XIRP1: variants seen among roughly 807,000 people sequenced by gnomAD.
The protein encoded by XIRP1 is xin actin binding repeat containing 1.
For synonymous variants in XIRP1, 984 were observed against 947.0 expected, an observed-to-expected ratio of 1.04 and a Z score of -0.72; for missense variants, 2,378 against 2,345.4, an observed-to-expected ratio of 1.01 and a Z score of -0.29.
In XIRP1 at chr3:39,183,655, C is replaced by T. The variant is rs572294850; in HGVS notation, c.*259G>A. The T allele has an allele frequency of 5.8e-5, 32 of 549,176 alleles. No individual in the cohort carries two copies. Among genetic ancestry groups the T allele is most frequent in the Non-Finnish European group, 9.1e-5 (29 of 317,220 alleles). The allele number at this position is 549,176 out of a possible 1,614,324, so 34.0% of individuals were successfully genotyped here. ...ATGTGTGTGTCTGTATATATTACAT[C>T]CTCCACAAGCAGCTGGGAGCCCCCA... On this transcript the variant is annotated 3_prime_UTR_variant, in exon 2 of 2. Coordinates refer to ENST00000340369, the MANE Select transcript of XIRP1 (RefSeq NM_194293.4).
Position 39,183,667 on chromosome 3 carries a change from G to T in XIRP1, c.*247C>A. 1 of 578,910 alleles carries T rather than the reference G, an allele frequency of 1.7e-6. No homozygotes were observed. Among genetic ancestry groups the T allele is most frequent in the Non-Finnish European group, 2.9e-6 (1 of 340,348 alleles). 35.9% of individuals were successfully genotyped at this position (578,910 alleles called of 1,614,324 possible). On this transcript the variant is annotated 3_prime_UTR_variant, in exon 2 of 2. Transcript: ENST00000340369. ...GTATATATTACATCCTCCACAAGCA[G>T]CTGGGAGCCCCCATCCTACCCCCAC...
chr3:39,191,748 G>A (rs1038929827), intron 1 of XIRP1, among the ~76,000 whole-genome samples: 1 of 152,152 alleles, frequency 6.6e-6, no homozygotes, highest in African/African-American at 2.4e-5. Flanking sequence ...TGCTGTCCTC[G>A]GGTCACCTCC....
In XIRP1 at chr3:39,189,063, C is replaced by A. The variant is rs768016120; in HGVS notation, c.383G>T (p.Arg128Leu). 1 of 1,614,152 alleles carries A rather than the reference C, an allele frequency of 6.2e-7. No individual in the cohort carries two copies. Among genetic ancestry groups the A allele is most frequent in the Non-Finnish European group, 8.5e-7 (1 of 1,180,040 alleles). ...VLCGDVQATSRKFEEGSFANS... is the reference protein window; with the variant it reads ...VLCGDVQATSLKFEEGSFANS... ...GGCAAAGGAGCCTTCCTCAAACTTG[C>A]GGGAGGTGGCCTGGACGTCACCACA... is the stretch of plus-strand genomic sequence containing the variant. Residue 128 changes from arginine to leucine, a missense_variant, in exon 2 of 2, where the codon CGC becomes CTC. Physicochemically the swap from Arg to Leu is moderately radical, Grantham distance 102. Transcript: ENST00000340369.
In XIRP1 at chr3:39,187,339, G is replaced by C. The variant is rs2039999032; in HGVS notation, c.2107C>G (p.Leu703Val). Residue 703 changes from leucine (L) to valine (V), a missense_variant, in exon 2 of 2, where the codon CTG becomes GTG. Leu to Val is a conservative substitution (Grantham distance 32). Coordinates refer to ENST00000340369, the MANE Select transcript of XIRP1 (RefSeq NM_194293.4). ...TGTTCTTCCTTCTTGCCTGCCTCCAGGGCCTGAAAAACCTCTTTCTGACGA... is the reference window on the plus strand; with the variant it reads ...TGTTCTTCCTTCTTGCCTGCCTCCACGGCCTGAAAAACCTCTTTCTGACGA... ...VSRQKEVFQA[L>V]EAGKKEEQEP... The C allele has an allele frequency of 1.2e-6, 2 of 1,605,006 alleles. No homozygotes were observed. The highest frequency in any genetic ancestry group is 1.7e-6 in the Non-Finnish European group (2 of 1,174,524).
rs79802884 is a variant in XIRP1, at chr3:39,183,652, C to T, written c.*262G>A. 5.6e-4 allele frequency: 305 copies of T among 544,506 alleles called. 1 individual carries two copies. Among genetic ancestry groups the T allele is most frequent in the African/African-American group, 5.2e-3 (274 of 52,646 alleles). 33.7% of individuals were successfully genotyped at this position (544,506 alleles called of 1,614,324 possible). A position where few individuals can be genotyped will look rare whatever the true frequency, so the allele number is the denominator to read the frequency against. The stretch of plus-strand genomic sequence containing the variant: ...AACATGTGTGTGTCTGTATATATTA[C>T]ATCCTCCACAAGCAGCTGGGAGCCC... On this transcript the variant is annotated 3_prime_UTR_variant, in exon 2 of 2. Transcript: ENST00000340369.
At position 39,185,191 on chromosome 3, in the gene XIRP1, T is replaced by C; in HGVS notation, c.4255A>G (p.Asn1419Asp). The C allele has an allele frequency of 6.2e-7, 1 of 1,613,190 alleles. No individual in the cohort carries two copies. The highest frequency in any genetic ancestry group is 8.5e-7 in the Non-Finnish European group (1 of 1,179,432). ...TTGGGGGGCTCAGAGCTCTGGGCAT[T>C]GCTGCCTGTAGCCTGATTCTTGGTG... ...RPTKNQATGSNAQSSEPPKLN... is the reference protein window; with the variant it reads ...RPTKNQATGSDAQSSEPPKLN... Residue 1419 changes from asparagine (N) to aspartate (D), a missense_variant, in exon 2 of 2, where the codon AAT becomes GAT. Asn to Asp is a conservative substitution (Grantham distance 23). Coordinates refer to ENST00000340369, the MANE Select transcript of XIRP1 (RefSeq NM_194293.4).
chr3:39,190,349 A>G (rs1187481182), intron 1 of XIRP1, among the ~76,000 whole-genome samples: 3 of 152,142 alleles, frequency 2.0e-5, no homozygotes, highest in African/African-American at 7.2e-5. Context: ...CCTAGACTCC[A>G]TTTAGGGCAT....
chr3:39,189,487 G>A lies in XIRP1; in HGVS notation c.-42C>T. ...GGCAGAGATGAGGATGGGATTGGGA[G>A]CCTTAGATCTAGATGTTCAGCAGGG... On this transcript the variant is annotated 5_prime_UTR_variant, in exon 2 of 2. Coordinates refer to ENST00000340369, the MANE Select transcript of XIRP1 (RefSeq NM_194293.4). 2.0e-6 allele frequency: 3 copies of A among 1,537,148 alleles called. No individual in the cohort carries two copies. Among genetic ancestry groups the A allele is most frequent in the South Asian group, 1.3e-5 (1 of 78,104 alleles).
In XIRP1 at chr3:39,186,554, C is replaced by T. The variant is rs2039976689; in HGVS notation, c.2892G>A (p.Leu964=). The change falls in exon 2 of 2, where the codon CTG becomes CTA. Residue 964 remains leucine, a synonymous_variant. Transcript: ENST00000340369. ...PVPASEGAQS[L]HPTESIIHVP... ...CATGGATGATGCTCTCAGTTGGGTGCAGGCTCTGGGCCCCCTCGCTGGCTG... is the reference window on the plus strand; with the variant it reads ...CATGGATGATGCTCTCAGTTGGGTGTAGGCTCTGGGCCCCCTCGCTGGCTG... The T allele has an allele frequency of 1.9e-6, 3 of 1,611,794 alleles. No individual in the cohort carries two copies. The highest frequency in any genetic ancestry group is 2.2e-5 in the East Asian group (1 of 44,826).
In XIRP1 at chr3:39,183,824, G is replaced by T; in HGVS notation, c.*90C>A. On this transcript the variant is annotated 3_prime_UTR_variant, in exon 2 of 2. Coordinates refer to ENST00000340369, the MANE Select transcript of XIRP1 (RefSeq NM_194293.4). ...AAGATGCCATTTCCTCTTGGTCCTT[G>T]CTCCAGTGTACAGGAGGCAGGTACC... The T allele has an allele frequency of 6.8e-7, 1 of 1,466,454 alleles. No individual in the cohort carries two copies. 90.8% of individuals were successfully genotyped at this position (1,466,454 alleles called of 1,614,324 possible). A position where few individuals can be genotyped will look rare whatever the true frequency, so the allele number is the denominator to read the frequency against.
Position 39,184,315 on chromosome 3 carries a change from G to A in XIRP1, c.5131C>T (p.His1711Tyr). ...LAQDIGQALL[H>Y]QKGVQDKTGK... ...GTTTTGTCTTGGACACCTTTCTGGT[G>A]GAGCAGGGCCTGGCCTATGTCCTGA... Residue 1711 changes from histidine (H) to tyrosine (Y), a missense_variant, in exon 2 of 2, where the codon CAC becomes TAC. Transcript: ENST00000340369. 1 of 1,614,224 alleles carries A rather than the reference G, an allele frequency of 6.2e-7. No individual in the cohort carries two copies. Among genetic ancestry groups the A allele is most frequent in the South Asian group, 1.1e-5 (1 of 91,090 alleles).
chr3:39,186,165 C>G lies in XIRP1; in HGVS notation c.3281G>C (p.Arg1094Pro), dbSNP rs748164364. 1 of 1,613,714 alleles carries G rather than the reference C, an allele frequency of 6.2e-7. No homozygotes were observed. Among genetic ancestry groups the G allele is most frequent in the South Asian group, 1.1e-5 (1 of 91,004 alleles). Residue 1094 changes from arginine to proline, a missense_variant, in exon 2 of 2, where the codon CGG becomes CCG. Arg to Pro is a moderately radical substitution (Grantham distance 103, BLOSUM62 -2). Transcript: ENST00000340369. ...ATSNPIQDGLRKAGATQSNIR... is the reference protein window; with the variant it reads ...ATSNPIQDGLPKAGATQSNIR... ...GTTGCTTTGGGTAGCCCCAGCTTTC[C>G]GAAGACCGTCCTGGATGGGGTTGGA... is the stretch of plus-strand genomic sequence containing the variant.
In XIRP1 at chr3:39,183,693, G is replaced by A. The variant is rs550005392; in HGVS notation, c.*221C>T. 20 of 717,228 alleles carry A rather than the reference G, an allele frequency of 2.8e-5. No individual in the cohort carries two copies. The highest frequency in any genetic ancestry group is 2.3e-4 in the Admixed American group (7 of 30,462). 44.4% of individuals were successfully genotyped at this position (717,228 alleles called of 1,614,324 possible). ...CTGGGAGCCCCCATCCTACCCCCAC[G>A]CCTGTGCAACTCTGTGGGCCTCTTC... is the stretch of plus-strand genomic sequence containing the variant. On this transcript the variant is annotated 3_prime_UTR_variant, in exon 2 of 2. Transcript: ENST00000340369.
chr3:39,189,580 A>G (rs2040059050), intron 1 of XIRP1, 55 bp from the exon 2 acceptor site: 4 of 1,322,650 alleles, frequency 3.0e-6, no homozygotes, highest in Non-Finnish European at 4.1e-6. Context: ...TGGGTGACTT[A>G]CGCTTAGAGA....
Position 39,186,234 on chromosome 3 carries a change from T to TG in XIRP1, c.3211dup (p.Gln1071ProfsTer40), listed in dbSNP as rs1440289107. On this transcript the variant is annotated frameshift_variant, in exon 2 of 2. Transcript: ENST00000340369. LOFTEE classifies it low-confidence loss of function (END_TRUNC). ...GCCCTGCTTGTGCTTGTTCAGAACT[T>TG]GCTGGTGCAGGCTCTGGGCTTCAGC... The TG allele has an allele frequency of 6.2e-7, 1 of 1,613,872 alleles. No homozygotes were observed. Among genetic ancestry groups the TG allele is most frequent in the Non-Finnish European group, 8.5e-7 (1 of 1,179,926 alleles).
rs779270442 is a variant in XIRP1, at chr3:39,185,898, C to T, written c.3548G>A (p.Gly1183Glu). The stretch of plus-strand genomic sequence containing the variant: ...TGGCCCAGTACTCTGACCTGGGCCT[C>T]CCTGGAGTGGGCGGGGAGCCTGGAC... ...LSVQAPRPLQ[G>E]GPGQSTGPGR... Residue 1183 changes from glycine to glutamate, a missense_variant, in exon 2 of 2, where the codon GGA becomes GAA. Gly to Glu is a moderately conservative substitution (Grantham distance 98). Transcript: ENST00000340369. 1.2e-6 allele frequency: 2 copies of T among 1,613,676 alleles called. No homozygotes were observed. Among genetic ancestry groups the T allele is most frequent in the Admixed American group, 1.7e-5 (1 of 59,980 alleles).
rs752973884 is a variant in XIRP1 at position 39,185,307 on chromosome 3, A to C, written c.4139T>G (p.Val1380Gly). ...GGCCAGAGGTATGTGGCCCTGGTCT[A>C]CAGTAGTGGGAACCTTGGCTGGCTG... ...IPQPAKVPTTVDQGHIPLARC... is the reference protein window; with the variant it reads ...IPQPAKVPTTGDQGHIPLARC... Residue 1380 changes from valine to glycine, a missense_variant, in exon 2 of 2, where the codon GTA becomes GGA. By Grantham distance (109) the Val-to-Gly change is moderately radical. Coordinates refer to ENST00000340369, the MANE Select transcript of XIRP1 (RefSeq NM_194293.4). The C allele has an allele frequency of 1.9e-6, 3 of 1,614,118 alleles. No individual in the cohort carries two copies. In the South Asian group the frequency reaches 3.3e-5, roughly 18 times the overall value.
At position 39,186,112 on chromosome 3, in the gene XIRP1, G is replaced by A. The variant is rs752058883; in HGVS notation, c.3334C>T (p.Arg1112Trp). The A allele has an allele frequency of 8.7e-6, 14 of 1,613,172 alleles. No homozygotes were observed. The African/African-American group carries it at 1.5e-4, about 17-fold the overall frequency. ...NIRPGGGSDP[R>W]IPAAPRKVSR... ...ACCTTTCTGGGGGCTGCTGGGATCC[G>A]GGGATCACTTCCACCCCCAGGCCTT... The change falls in exon 2 of 2, where the codon CGG becomes TGG. Residue 1112 changes from arginine (R) to tryptophan (W), a missense_variant. Coordinates refer to ENST00000340369, the MANE Select transcript of XIRP1 (RefSeq NM_194293.4).
In XIRP1 at chr3:39,184,639, C is replaced by T. The variant is rs1210901695; in HGVS notation, c.4807G>A (p.Val1603Ile). The change falls in exon 2 of 2, where the codon GTC becomes ATC. Residue 1603 changes from valine to isoleucine, a missense_variant. Transcript: ENST00000340369. ...SARPSGSGQE[V>I]GGQTAVKNQA... ...TTCTTGACTGCAGTTTGACCTCCGA[C>T]CTCCTGGCCTGAGCCACTGGGCCTG... 2 of 1,613,870 alleles carry T rather than the reference C, an allele frequency of 1.2e-6. No individual in the cohort carries two copies. Among genetic ancestry groups the T allele is most frequent in the East Asian group, 4.5e-5 (2 of 44,854 alleles).
Sources: gnomAD v4.1 joint callset for allele counts (sites outside exome capture counted in the v4.1 genomes callset) on GRCh38, gnomAD v4.1.1 for gene constraint, MANE v1.5 for transcripts, NCBI Gene and HGNC (gene_info 2026-07-23, HGNC 2026-07-21) for gene names.